DNMT3B: variants seen among roughly 807,000 people sequenced by gnomAD.
DNMT3B encodes the protein DNA methyltransferase 3 beta.
In DNMT3B, 37 loss-of-function variants were observed where a neutral mutation model predicts 120.2. That is an observed-to-expected ratio of 0.31 (90% CI 0.24 to 0.40). DNMT3B has a LOEUF of 0.40. Ranked by LOEUF, DNMT3B falls within the 10% of genes least tolerant of loss-of-function variation. The pLI, the probability that DNMT3B is intolerant of heterozygous loss-of-function variation, is 1.00. For synonymous variants in DNMT3B, 412 were observed against 442.8 expected, an observed-to-expected ratio of 0.93 and a Z score of 0.87; for missense variants, 878 against 1,137.3, an observed-to-expected ratio of 0.77 and a Z score of 3.28.
intron 1 of DNMT3B, chr20:32,780,087 C>T (rs368554438): frequency 4.3e-5 from 69 of 1,611,652 alleles, no homozygotes; most frequent in East Asian, 3.8e-4. Flanking sequence ...TGGGTGCTGG[C>T]GTCTGAGCCT....
intron 3 of DNMT3B, among the ~76,000 whole-genome samples, chr20:32,784,405 G>T (rs1049642040): frequency 6.6e-6 from 1 of 152,196 alleles, no homozygotes; most frequent in South Asian, 2.1e-4. Flanking sequence ...TTAAAATGAG[G>T]GAAATGGACT....
At chr20:32,773,737 G>A (rs1455350312) in intron 1 of DNMT3B, among the ~76,000 whole-genome samples, 3 of 151,592 alleles carry the variant, frequency 2.0e-5, no homozygotes, top group Non-Finnish European at 2.9e-5. Context: ...ATCAGCCTCC[G>A]AGGAGGTGGG....
chr20:32,801,501 GGT>G, intron 19 of DNMT3B, 75 bp downstream of exon 19: 1 of 1,592,164 alleles, frequency 6.3e-7, no homozygotes, highest in Non-Finnish European at 8.6e-7. Flanking sequence ...ATGATTGGTG[GGT>G]GTTGCCAACA....
Position 32,762,632 on chromosome 20 carries a change from G to A in DNMT3B, c.-74G>A. On this transcript the variant is annotated 5_prime_UTR_variant, in exon 1 of 23. Coordinates refer to ENST00000328111, the MANE Select transcript of DNMT3B (RefSeq NM_006892.4). ...CAGCGCCCTGCACGGCCGCCAGCCGGCCTCCCGCCAGCCAGCCCCGACCCG... is the reference window on the plus strand; with the variant it reads ...CAGCGCCCTGCACGGCCGCCAGCCGACCTCCCGCCAGCCAGCCCCGACCCG... The A allele has an allele frequency of 3.6e-6, 1 of 277,604 alleles. No individual in the cohort carries two copies. Among genetic ancestry groups the A allele is most frequent in the South Asian group, 3.0e-5 (1 of 33,812 alleles). The allele number at this position is 277,604 out of a possible 1,614,324, so 17.2% of individuals were successfully genotyped here.
chr20:32,775,151 C>T lies in DNMT3B; in HGVS notation c.-6-5167C>T, dbSNP rs577788703. On this transcript the variant is annotated intron_variant, in intron 1 of 22. Transcript: ENST00000328111. ...GGGATTACAGGCTTGAGCCACTGCA[C>T]CTGGCCCTAGATTTCTCTAACATAG... is the stretch of plus-strand genomic sequence containing the variant. Among the ~76,000 whole-genome samples, 5 of 152,324 alleles carry T rather than the reference C, an allele frequency of 3.3e-5. No homozygotes were observed. In the South Asian group the frequency reaches 1.0e-3, roughly 32 times the overall value.
Position 32,787,288 on chromosome 20 carries a change from C to T in DNMT3B, c.491C>T (p.Ser164Phe). Residue 164 changes from serine to phenylalanine, a missense_variant, in exon 6 of 23, where the codon TCT (serine) becomes TTT (phenylalanine). Around this residue, in one of 4 missense-constraint regions of DNMT3B, gnomAD observed 287 missense variants for 306.2 expected, o/e 0.94. Transcript: ENST00000328111. The part of the protein sequence containing the change: ...AGTPWPSPPS[S>F]YLTIDLTDDT... ...ACGCCATGGCCGTCCCCTCCCAGCT[C>T]TTACCTTACCATCGACCTCACAGAC... 1 of 1,614,258 alleles carries T rather than the reference C, an allele frequency of 6.2e-7. No homozygotes were observed. Among genetic ancestry groups the T allele is most frequent in the Non-Finnish European group, 8.5e-7 (1 of 1,180,042 alleles).
At chr20:32,779,870 A>C (rs1025742634) in intron 1 of DNMT3B, 2 of 599,292 alleles carry the variant, frequency 3.3e-6, no homozygotes, top group Non-Finnish European at 5.9e-6. Context: ...AGAGCAAACA[A>C]AGGGGTCAGG....
chr20:32,770,230 A>C (rs904471283), intron 1 of DNMT3B, among the ~76,000 whole-genome samples: 4 of 152,012 alleles, frequency 2.6e-5, no homozygotes, highest in Admixed American at 1.3e-4. Flanking sequence ...CTTCTGCATC[A>C]GCCTCCTGAG....
At chr20:32,798,690 A>G (rs1441859293) in intron 15 of DNMT3B, 47 bp downstream of exon 15, 2 of 1,611,686 alleles carry the variant, frequency 1.2e-6, no homozygotes, top group East Asian at 2.2e-5. Flanking sequence ...CCAGGGGCAC[A>G]GGGTGTTGGA....
chr20:32,799,671 C>A (rs553861160), intron 16 of DNMT3B, among the ~76,000 whole-genome samples: 1 of 152,290 alleles, frequency 6.6e-6, no homozygotes, highest in African/African-American at 2.4e-5. Flanking sequence ...GTGCTCACCA[C>A]CACGCCCAGC....
chr20:32,801,775 G>T (rs1034513441), intron 19 of DNMT3B, among the ~76,000 whole-genome samples: 8 of 152,084 alleles, frequency 5.3e-5, no homozygotes, highest in African/African-American at 1.9e-4. Context: ...GGTAGAGACA[G>T]GGTCTTGGTA....
chr20:32,807,722 G>A, intron 22 of DNMT3B, 40 bp from the exon 23 acceptor site: 3 of 1,612,624 alleles, frequency 1.9e-6, no homozygotes, highest in South Asian at 1.1e-5. Context: ...CATCCTGGAG[G>A]CACTTCTGAC....
intron 1 of DNMT3B, among the ~76,000 whole-genome samples, chr20:32,772,380 T>G (rs576598441): frequency 1.3e-5 from 2 of 150,742 alleles, no homozygotes; most frequent in East Asian, 3.9e-4. Flanking sequence ...TTTAAGGCGT[T>G]CTTAGTTGAA....
Position 32,808,451 on chromosome 20 carries a change from A to C in DNMT3B, c.*548A>C. The C allele has an allele frequency of 4.1e-6, 1 of 241,630 alleles. No homozygotes were observed. The highest frequency in any genetic ancestry group is 5.2e-5 in the Admixed American group (1 of 19,384). 15.0% of individuals were successfully genotyped at this position (241,630 alleles called of 1,614,324 possible). On this transcript the variant is annotated 3_prime_UTR_variant, in exon 23 of 23. Transcript: ENST00000328111. ...GCAAGCAGAAGAGAAAATGTTGTAT[A>C]TGTCTTTTACCCGGCACATTCCCCT...
chr20:32,788,742 T>A, intron 6 of DNMT3B, 112 bp from the exon 7 acceptor site: 1 of 1,370,046 alleles, frequency 7.3e-7, no homozygotes, highest in Non-Finnish European at 1.0e-6. Flanking sequence ...TCTGGCTACA[T>A]CTTGCATTTT....
chr20:32,788,508 C>T (rs1401011398), intron 6 of DNMT3B, among the ~76,000 whole-genome samples: 3 of 152,152 alleles, frequency 2.0e-5, no homozygotes, highest in Non-Finnish European at 1.5e-5. Flanking sequence ...CACTATGGTG[C>T]CCAGGCTAGT....
intron 1 of DNMT3B, chr20:32,779,865 A>C: frequency 1.7e-6 from 1 of 596,218 alleles, no homozygotes; most frequent in East Asian, 2.8e-5. Context: ...GGGAGAGAGC[A>C]AACAAAGGGG....
intron 1 of DNMT3B, among the ~76,000 whole-genome samples, chr20:32,770,755 G>A (rs1987677883): frequency 6.6e-6 from 1 of 152,022 alleles, no homozygotes; most frequent in Admixed American, 6.6e-5. Flanking sequence ...TGGGATTACA[G>A]GCATGTGCCA....
chr20:32,788,247 G>T (rs1979562486), intron 6 of DNMT3B, among the ~76,000 whole-genome samples: 2 of 152,130 alleles, frequency 1.3e-5, no homozygotes, highest in Non-Finnish European at 2.9e-5. Context: ...TGCACATACT[G>T]TATATATTGT....
Sources: gnomAD v4.1 joint callset for allele counts (sites outside exome capture counted in the v4.1 genomes callset) on GRCh38, gnomAD v4.1.1 for gene constraint, gnomAD v4.1.1 regional missense constraint, MANE v1.5 for transcripts, NCBI Gene and HGNC (gene_info 2026-07-23, HGNC 2026-07-21) for gene names.